The following PDE6C variants were observed in gnomAD, a reference collection of about 807,000 sequenced individuals.
PDE6C encodes phosphodiesterase 6C, also known as cone cGMP-specific 3',5'-cyclic phosphodiesterase subunit alpha'.
Under a neutral mutation model 113.1 loss-of-function variants are expected in PDE6C, and 75 were observed. The observed-to-expected ratio is 0.66, with a 90% CI of 0.55 to 0.80. The LOEUF (loss-of-function observed/expected upper bound fraction) is 0.80. Ranked by LOEUF, PDE6C falls within the 30% of genes least tolerant of loss-of-function variation. The pLI, the probability that PDE6C is intolerant of heterozygous loss-of-function variation, is 0.00. For synonymous variants in PDE6C, 375 were observed against 363.7 expected, an observed-to-expected ratio of 1.03 and a Z score of -0.35; for missense variants, 912 against 1,038.6, an observed-to-expected ratio of 0.88 and a Z score of 1.67.
Position 93,620,992 on chromosome 10 carries a change from G to T in PDE6C, c.723+12G>T, listed in dbSNP as rs200620730. ...CCCGAAGAAGCCAGGTAAAAGGAAG[G>T]CAGCATTAGTCATTCCATGCTGACC... On this transcript the variant is annotated intron_variant, in intron 3 of 21. Coordinates refer to ENST00000371447, the MANE Select transcript of PDE6C (RefSeq NM_006204.4). 1.2e-6 allele frequency: 2 copies of T among 1,603,350 alleles called. No homozygotes were observed. The highest frequency in any genetic ancestry group is 8.5e-7 in the Non-Finnish European group (1 of 1,170,462).
chr10:93,644,001 T>A (rs1275177092), intron 14 of PDE6C, among the ~76,000 whole-genome samples: 1 of 152,242 alleles, frequency 6.6e-6, no homozygotes, highest in Non-Finnish European at 1.5e-5. Flanking sequence ...TCTGGAGTAG[T>A]TGCTCAACCT....
chr10:93,621,851 T>C (rs2058448063), intron 3 of PDE6C, 81 bp from the exon 4 acceptor site: 1 of 1,271,924 alleles, frequency 7.9e-7, no homozygotes, highest in Non-Finnish European at 1.1e-6. Flanking sequence ...TTGATGCACC[T>C]CATGTTTTCT....
Position 93,658,191 on chromosome 10 carries a change from AAG to A in PDE6C, c.2037-708_2037-707del, listed in dbSNP as rs1207339714. Among the ~76,000 whole-genome samples the A allele has an allele frequency of 5.7e-3, 775 of 136,318 alleles. 10 individuals carry two copies. Among genetic ancestry groups the A allele is most frequent in the African/African-American group, 0.01 (348 of 34,426 alleles). The allele number at this position is 136,318 out of a possible 152,430, so 89.4% of individuals were successfully genotyped here. On this transcript the variant is annotated intron_variant, in intron 16 of 21. Transcript: ENST00000371447. The stretch of plus-strand genomic sequence containing the variant: ...TCTCAAAAAAAAAAAAAAAAAAAAA[AAG>A]AAAAAGAAAAAGAAAAGAAAGAAAG...
At chr10:93,648,471 A>G (rs1263545819) in intron 15 of PDE6C, among the ~76,000 whole-genome samples, 1 of 152,084 alleles carries the variant, frequency 6.6e-6, no homozygotes, top group East Asian at 1.9e-4. Context: ...TAGTTCTTGT[A>G]TTTTTTTCAT....
chr10:93,612,598 C>A lies in PDE6C; in HGVS notation c.-128C>A. Reference sequence around the variant, plus strand: ...TGCTTTCTGCTTGACCTTTGGAAGTCCTATGAGGGACCATTTACGGTTTCC... The same window carrying A: ...TGCTTTCTGCTTGACCTTTGGAAGTACTATGAGGGACCATTTACGGTTTCC... On this transcript the variant is annotated 5_prime_UTR_variant, in exon 1 of 22. Transcript: ENST00000371447. The A allele has an allele frequency of 7.8e-7, 1 of 1,281,600 alleles. No homozygotes were observed. Among genetic ancestry groups the A allele is most frequent in the Non-Finnish European group, 1.1e-6 (1 of 891,896 alleles). The allele number at this position is 1,281,600 out of a possible 1,614,324, so 79.4% of individuals were successfully genotyped here.
At chr10:93,626,926 G>T in intron 7 of PDE6C, 55 bp downstream of exon 7, 1 of 1,419,684 alleles carries the variant, frequency 7.0e-7, no homozygotes, top group Non-Finnish European at 9.8e-7. Context: ...ACTCTTATTA[G>T]CTAAGAGATA....
intron 8 of PDE6C, among the ~76,000 whole-genome samples, chr10:93,633,160 A>G (rs770662523): frequency 9.9e-5 from 15 of 152,274 alleles, no homozygotes; most frequent in Non-Finnish European, 1.9e-4. Flanking sequence ...ATTACCTGGG[A>G]AGCTTATTGA....
chr10:93,661,810 G>T (rs1405559379), intron 18 of PDE6C, among the ~76,000 whole-genome samples: 1 of 152,172 alleles, frequency 6.6e-6, no homozygotes, highest in Non-Finnish European at 1.5e-5. Context: ...GTGAGAAGTG[G>T]TGGCAATCGT....
At position 93,637,042 on chromosome 10, in the gene PDE6C, A is replaced by T. The variant is rs753686162; in HGVS notation, c.1461A>T (p.Glu487Asp). 1.9e-6 allele frequency: 3 copies of T among 1,602,852 alleles called. No individual in the cohort carries two copies. The highest frequency in any genetic ancestry group is 2.6e-6 in the Non-Finnish European group (3 of 1,169,990). ...LNVDVIDDCE[E>D]KQLVAILKED... ...TTGATGTAATTGACGACTGTGAAGA[A>T]AAACAACTTGTTGCAATTTTGGTAA... The change falls in exon 11 of 22, where the codon GAA (glutamate) becomes GAT (aspartate). Residue 487 changes from glutamate to aspartate, a missense_variant. Physicochemically the swap from Glu to Asp is conservative, Grantham distance 45. Coordinates refer to ENST00000371447, the MANE Select transcript of PDE6C (RefSeq NM_006204.4).
rs149127437 is a variant in PDE6C at position 93,640,168 on chromosome 10, A to G, written c.1581A>G (p.Arg527=). Residue 527 remains arginine (R), a synonymous_variant, in exon 12 of 22, where the codon CGA becomes CGG. Coordinates refer to ENST00000371447, the MANE Select transcript of PDE6C (RefSeq NM_006204.4). ...TEHGLIKCGI[R]LFFEINVVEK... is the part of the protein sequence containing the mutation. ...ACGGATTGATTAAATGTGGAATACG[A>G]CTGTTTTTTGAAATAAATGTGGTGG... The G allele has an allele frequency of 4.3e-5, 69 of 1,613,468 alleles. No individual in the cohort carries two copies. The highest frequency in any genetic ancestry group is 5.8e-5 in the Non-Finnish European group (68 of 1,179,526).
chr10:93,621,067 C>A, intron 3 of PDE6C, 87 bp downstream of exon 3: 1 of 1,088,538 alleles, frequency 9.2e-7, no homozygotes, highest in Non-Finnish European at 1.4e-6. Flanking sequence ...CCTCCTATTC[C>A]TCCTGGGGGT....
At chr10:93,664,048 A>G (rs1430965414) in intron 21 of PDE6C, among the ~76,000 whole-genome samples, 1 of 152,220 alleles carries the variant, frequency 6.6e-6, no homozygotes, top group Non-Finnish European at 1.5e-5. Flanking sequence ...GATGTCCTTC[A>G]GAATAAAAGC....
chr10:93,620,574 A>C, intron 1 of PDE6C, 58 bp from the exon 2 acceptor site: 4 of 1,541,940 alleles, frequency 2.6e-6, no homozygotes, highest in Non-Finnish European at 3.6e-6. Context: ...CATCATCCCT[A>C]GATCTACCAC....
At chr10:93,654,483 G>T (rs1430423983) in intron 15 of PDE6C, among the ~76,000 whole-genome samples, 1 of 152,184 alleles carries the variant, frequency 6.6e-6, no homozygotes, top group Non-Finnish European at 1.5e-5. Flanking sequence ...AAAGCACTTA[G>T]AGCCTGGTAG....
At chr10:93,662,185 C>T (rs1412619155) in intron 19 of PDE6C, 52 bp downstream of exon 19, 1 of 1,216,320 alleles carries the variant, frequency 8.2e-7, no homozygotes, top group Admixed American at 1.7e-5. Flanking sequence ...TCAGGACAGG[C>T]CGGGCGCGGT....
At chr10:93,632,207 C>T (rs1211346981) in intron 8 of PDE6C, among the ~76,000 whole-genome samples, 1 of 152,214 alleles carries the variant, frequency 6.6e-6, no homozygotes, top group African/African-American at 2.4e-5. Flanking sequence ...TTGGGTCCAC[C>T]TGGAACATCC....
chr10:93,647,803 G>A (rs775586172), intron 15 of PDE6C, among the ~76,000 whole-genome samples: 3 of 152,180 alleles, frequency 2.0e-5, no homozygotes, highest in Non-Finnish European at 4.4e-5. Context: ...ATCTCTCCCT[G>A]CAGCAGAATT....
intron 14 of PDE6C, 106 bp from the exon 15 acceptor site, chr10:93,645,852 TAA>T (rs1564802688): frequency 2.8e-6 from 2 of 726,186 alleles, no homozygotes; most frequent in African/African-American, 3.5e-5. Context: ...ACTTCACAGA[TAA>T]TTGAGTGAGG....
chr10:93,634,957 A>G (rs2058520888), intron 9 of PDE6C, 50 bp downstream of exon 9: 1 of 1,571,184 alleles, frequency 6.4e-7, no homozygotes, highest in East Asian at 2.2e-5. Flanking sequence ...ACAAAATAAG[A>G]GAGGGCACGT....
Sources: allele counts gnomAD v4.1 joint callset (sites outside exome capture counted in the v4.1 genomes callset), GRCh38; gene constraint gnomAD v4.1.1; transcripts MANE v1.5; gene names NCBI Gene and HGNC (gene_info 2026-07-23, HGNC 2026-07-21).